OXNAD1: variants seen among roughly 807,000 people sequenced by gnomAD.
OXNAD1 encodes the protein oxidoreductase NAD-binding domain-containing protein 1.
OXNAD1 carries 34 observed loss-of-function variants against 32.9 expected under a neutral mutation model. That is an observed-to-expected ratio of 1.03 (90% CI 0.79 to 1.38). The LOEUF (loss-of-function observed/expected upper bound fraction) is 1.38. Ranked by LOEUF, OXNAD1 falls within the 40% of genes most tolerant of loss-of-function variation. The probability of loss-of-function intolerance (pLI) is 0.00; values close to 1 mark genes in which losing one functional copy is unlikely to be tolerated. For synonymous variants in OXNAD1, 134 were observed against 135.2 expected (o/e 0.99, Z 0.06); for missense variants, 407 against 379.4 (o/e 1.07, Z -0.60).
At position 16,345,263 on chromosome 3, in the gene OXNAD1, GTTGTGTGTGTGTGTGTGT is replaced by G. The variant is rs959855932; in HGVS notation, c.*31-3912_*31-3895del. On this transcript the variant is annotated intron_variant, in intron 9 of 9. Coordinates refer to the OXNAD1 transcript ENST00000606098. The surrounding 1 kb of genome is among the most constrained non-coding windows in gnomAD (Gnocchi z 5.2). ...GAAACTGTAAGATAATAAGTAGGTG[GTTGTGTGTGTGTGTGTGT>G]GTGTGTGTGTGTGTGTGTGTTTAAA... The G allele has an allele frequency of 2.6e-5, 2 of 75,582 alleles. No homozygotes were observed. The highest frequency in any genetic ancestry group is 1.6e-4 in the African/African-American group (2 of 12,576). The allele number at this position is 75,582 out of a possible 1,614,324, so 4.7% of individuals were successfully genotyped here. A position where few individuals can be genotyped will look rare whatever the true frequency, so the allele number is the denominator to read the frequency against.
intron 1 of OXNAD1, among the ~76,000 whole-genome samples, chr3:16,268,284 A>T (rs911662457): frequency 1.3e-5 from 2 of 150,520 alleles, no homozygotes; most frequent in Non-Finnish European, 3.0e-5. Context: ...CTTTCACAAA[A>T]TAAAATCTTA....
rs1298076738 is a variant in OXNAD1 at position 16,277,024 on chromosome 3, A to T, written c.183+5302A>T. Among the ~76,000 whole-genome samples, 1 of 151,738 alleles carries T rather than the reference A, an allele frequency of 6.6e-6. No homozygotes were observed. Among genetic ancestry groups the T allele is most frequent in the East Asian group, 1.9e-4 (1 of 5,162 alleles). ...ACTGCAACCTCTGCCTCCCGGGTTC[A>T]AGTGACTCTCCTGCCTCAGCCTCCC... On this transcript the variant is annotated intron_variant, in intron 4 of 8. Coordinates refer to ENST00000285083, the MANE Select transcript of OXNAD1 (RefSeq NM_138381.5). The surrounding 1 kb of genome is among the most constrained non-coding windows in gnomAD (Gnocchi z 4.3).
chr3:16,320,388 GT>G lies in OXNAD1; in HGVS notation c.*31-16720del, dbSNP rs1489865188. Among the ~76,000 whole-genome samples, 1 of 152,196 alleles carries G rather than the reference GT, an allele frequency of 6.6e-6. No homozygotes were observed. The highest frequency in any genetic ancestry group is 2.4e-5 in the African/African-American group (1 of 41,436). On this transcript the variant is annotated intron_variant, in intron 9 of 9. Transcript: ENST00000435829. The surrounding 1 kb of genome is among the most constrained non-coding windows in gnomAD (Gnocchi z 4.5). Reference sequence around the variant, plus strand: ...CCAATCTTGCAGTTTCTTTTCTTAAGTTTTAATGCTAGACATACTATGTGTG... The same window carrying G: ...CCAATCTTGCAGTTTCTTTTCTTAAGTTTAATGCTAGACATACTATGTGTG...
chr3:16,305,994 G>C lies in OXNAD1; in HGVS notation c.*2432G>C, dbSNP rs538121549. On this transcript the variant is annotated 3_prime_UTR_variant, in exon 9 of 9. Transcript: ENST00000285083. This position sits in a 1 kb window ranked among gnomAD's most constrained non-coding sequence, Gnocchi z 4.5. ...CTTCATGTGGGTGTGCGTCTGTCTTGTTTATTGCTGTGCCAGGCACAAAAT... is the reference window on the plus strand; with the variant it reads ...CTTCATGTGGGTGTGCGTCTGTCTTCTTTATTGCTGTGCCAGGCACAAAAT... 2.8e-4 allele frequency: 42 copies of C among 152,170 alleles called. No homozygotes were observed. The highest frequency in any genetic ancestry group is 5.4e-4 in the Non-Finnish European group (37 of 68,004). 9.4% of individuals were successfully genotyped at this position (152,170 alleles called of 1,614,324 possible). A position where few individuals can be genotyped will look rare whatever the true frequency, so the allele number is the denominator to read the frequency against.
In OXNAD1 at chr3:16,271,066, A is replaced by C. The variant is rs2064896841; in HGVS notation, c.114A>C (p.Leu38=). The change falls in exon 3 of 9, where the codon CTA becomes CTC. Residue 38 remains leucine (L), a synonymous_variant. Transcript: ENST00000285083. This position sits in a 1 kb window ranked among gnomAD's most constrained non-coding sequence, Gnocchi z 4.6. ...LTLSTLRHLT[L]TSIMKSKRKT... Reference sequence around the variant, plus strand: ...TCAGCACTTTGCGCCACCTTACTCTAACCAGGTGAGTCATTAAGACTTCTG... The same window carrying C: ...TCAGCACTTTGCGCCACCTTACTCTCACCAGGTGAGTCATTAAGACTTCTG... 1 of 1,613,566 alleles carries C rather than the reference A, an allele frequency of 6.2e-7. No homozygotes were observed. The highest frequency in any genetic ancestry group is 1.7e-4 in the Middle Eastern group (1 of 6,060).
downstream of OXNAD1, among the ~76,000 whole-genome samples, chr3:16,309,845 C>G (rs189594553): frequency 6.6e-6 from 1 of 152,166 alleles, no homozygotes; most frequent in Non-Finnish European, 1.5e-5. Context: ...TCAGCTTTAC[C>G]TTTCTATAAT....
intron 9 of OXNAD1, among the ~76,000 whole-genome samples, chr3:16,333,670 C>A (rs1559825622): frequency 2.0e-5 from 3 of 151,844 alleles, no homozygotes; most frequent in African/African-American, 7.3e-5. Context: ...CATAAAAACT[C>A]ATATGATATA....
At chr3:16,338,807 C>T (rs1038107542), downstream of OXNAD1, among the ~76,000 whole-genome samples, 29 of 152,124 alleles carry the variant, frequency 1.9e-4, no homozygotes, top group Admixed American at 1.8e-3. This position sits in a 1 kb window ranked among gnomAD's most constrained non-coding sequence, Gnocchi z 5.3. Flanking sequence ...AGGAGCTTTT[C>T]CAAAGTGTAT....
intron 9 of OXNAD1, among the ~76,000 whole-genome samples, chr3:16,331,042 T>C (rs2070254932): frequency 6.6e-6 from 1 of 152,214 alleles, no homozygotes; most frequent in African/African-American, 2.4e-5. Flanking sequence ...AAGAAAGGAA[T>C]TTGATTTCCC....
chr3:16,313,328 C>G (rs2125133345), intron 9 of OXNAD1, among the ~76,000 whole-genome samples: 1 of 151,604 alleles, frequency 6.6e-6, no homozygotes, highest in Middle Eastern at 3.4e-3. Context: ...TAGGCGTGAG[C>G]CACCACACCC....
rs1370704281 is a variant in OXNAD1, at chr3:16,332,543, C to G, written c.*31-4569C>G. 2.0e-5 allele frequency among the ~76,000 whole-genome samples: 3 copies of G among 151,990 alleles called. 1 individual carries two copies. The highest frequency in any genetic ancestry group is 2.0e-4 in the Admixed American group (3 of 15,260). On this transcript the variant is annotated intron_variant, in intron 9 of 9. Coordinates refer to the OXNAD1 transcript ENST00000435829. ...GGTTGCATGTGACAGAGATGGGGAA[C>G]TAGGGATCTTACCACGCCACGTTAG...
rs1192003315 is a variant in OXNAD1, at chr3:16,346,832, C to T, written c.*31-2344C>T. 2.0e-5 allele frequency among the ~76,000 whole-genome samples: 3 copies of T among 152,102 alleles called. No homozygotes were observed. Among genetic ancestry groups the T allele is most frequent in the Non-Finnish European group, 4.4e-5 (3 of 68,016 alleles). On this transcript the variant is annotated intron_variant, in intron 9 of 9. Transcript: ENST00000606098. This position sits in a 1 kb window ranked among gnomAD's most constrained non-coding sequence, Gnocchi z 4.4. ...TTGTGAGGAGGATCATAAGGAGAGCCCTGCAGACAGGCTGAGGATGAGTAC... is the reference window on the plus strand; with the variant it reads ...TTGTGAGGAGGATCATAAGGAGAGCTCTGCAGACAGGCTGAGGATGAGTAC...
At chr3:16,268,313 C>CTTTTTTTTTTT (rs531751365) in intron 1 of OXNAD1, among the ~76,000 whole-genome samples, 14 of 61,004 alleles carry the variant, frequency 2.3e-4, no homozygotes, top group Admixed American at 2.7e-4. Context: ...AAGAGAACTC[C>CTTTTTTTTTTT]TTTTTTTTTT....
chr3:16,332,555 C>T (rs1393316223), intron 9 of OXNAD1, among the ~76,000 whole-genome samples: 2 of 152,076 alleles, frequency 1.3e-5, no homozygotes, highest in Non-Finnish European at 2.9e-5. Flanking sequence ...AGGGATCTTA[C>T]CACGCCACGT....
chr3:16,309,975 C>T (rs911393315), downstream of OXNAD1, among the ~76,000 whole-genome samples: 6 of 152,178 alleles, frequency 3.9e-5, no homozygotes, highest in African/African-American at 1.2e-4. Flanking sequence ...GTTTGTATCT[C>T]TGGGGTTGAC....
intron 5 of OXNAD1, among the ~76,000 whole-genome samples, chr3:16,293,328 G>A (rs535852065): frequency 2.6e-5 from 4 of 152,114 alleles, no homozygotes; most frequent in South Asian, 2.1e-4. Flanking sequence ...TGGATTGTTC[G>A]TTGCTAGTGT....
At position 16,321,637 on chromosome 3, in the gene OXNAD1, T is replaced by G. The variant is rs924157241; in HGVS notation, c.*31-15475T>G. Among the ~76,000 whole-genome samples the G allele has an allele frequency of 1.3e-5, 2 of 152,250 alleles. No homozygotes were observed. The highest frequency in any genetic ancestry group is 2.9e-5 in the Non-Finnish European group (2 of 68,008). On this transcript the variant is annotated intron_variant, in intron 9 of 9. Coordinates refer to the OXNAD1 transcript ENST00000435829. The surrounding 1 kb of genome is among the most constrained non-coding windows in gnomAD (Gnocchi z 4.8). Reference sequence around the variant, plus strand: ...CTGTGAGGTGACCCAGAGGGTCTTGTGTAGAACAAGTGCTCCACACCAGTC... The same window carrying G: ...CTGTGAGGTGACCCAGAGGGTCTTGGGTAGAACAAGTGCTCCACACCAGTC...
exon 10 of OXNAD1, chr3:16,350,291 T>C (rs2125316663): frequency 6.6e-6 from 1 of 152,376 alleles, no homozygotes; most frequent in African/African-American, 2.4e-5. Flanking sequence ...TTTTTGATAT[T>C]ACAAGTAATG....
rs1012852382 is a variant in OXNAD1 at position 16,344,242 on chromosome 3, A to G, written c.*31-4934A>G. ...GGGCTGGTTTTTGTCCAACATTCAT[A>G]TACTAAGAAGTAACAGATTGGAAGG... On this transcript the variant is annotated intron_variant, in intron 9 of 9. Coordinates refer to the OXNAD1 transcript ENST00000606098. This position sits in a 1 kb window ranked among gnomAD's most constrained non-coding sequence, Gnocchi z 4.4. Among the ~76,000 whole-genome samples, 1 of 152,170 alleles carries G rather than the reference A, an allele frequency of 6.6e-6. No homozygotes were observed. Among genetic ancestry groups the G allele is most frequent in the Admixed American group, 6.5e-5 (1 of 15,282 alleles).
Sources: gnomAD v4.1 joint callset for allele counts (sites outside exome capture counted in the v4.1 genomes callset) on GRCh38, gnomAD v4.1.1 for gene constraint, Gnocchi (gnomAD v3.1) non-coding constraint, MANE v1.5 for transcripts, NCBI Gene and HGNC (gene_info 2026-07-23, HGNC 2026-07-21) for gene names.